The following TMEM232 variants were observed in gnomAD, a reference collection of about 807,000 sequenced individuals.
TMEM232 encodes transmembrane protein 232.
Under a neutral mutation model 78.8 loss-of-function variants are expected in TMEM232, and 80 were observed. The ratio of observed to expected loss-of-function variants is 1.01; its 90% CI spans 0.85 to 1.22. The LOEUF (loss-of-function observed/expected upper bound fraction) is 1.22. Among genes scored for constraint, TMEM232 ranks in the 50% most tolerant of loss-of-function variants. The pLI is 0.00. For synonymous variants in TMEM232, 297 were observed against 254.3 expected, an observed-to-expected ratio of 1.17 and a Z score of -1.60; for missense variants, 881 against 742.2, an observed-to-expected ratio of 1.19 and a Z score of -2.17.
intron 12 of TMEM232, among the ~76,000 whole-genome samples, chr5:110,526,497 C>T (rs77839257): frequency 0.021 from 3,128 of 152,002 alleles, 80 homozygotes; most frequent in African/African-American, 0.058. Flanking sequence ...AAAAATTACA[C>T]TGTATTTAGA....
intron 12 of TMEM232, among the ~76,000 whole-genome samples, chr5:110,484,693 A>C (rs1764269468): frequency 6.6e-6 from 1 of 152,082 alleles, no homozygotes; most frequent in Non-Finnish European, 1.5e-5. Context: ...TAAGACAAAA[A>C]TTGCTACTAG....
chr5:110,472,836 T>G (rs1181832821), intron 12 of TMEM232, among the ~76,000 whole-genome samples: 2 of 151,924 alleles, frequency 1.3e-5, no homozygotes, highest in East Asian at 1.9e-4. Flanking sequence ...GGACAGTCTT[T>G]TCAATAAATG....
intron 12 of TMEM232, among the ~76,000 whole-genome samples, chr5:110,524,407 G>GAAAACA (rs1554098897): frequency 1.1e-5 from 1 of 87,574 alleles, no homozygotes; most frequent in African/African-American, 5.0e-5. Flanking sequence ...AAGAAAGAAA[G>GAAAACA]AAAGAAAGAA....
chr5:110,449,968 T>C (rs1013774077), intron 12 of TMEM232, among the ~76,000 whole-genome samples: 5 of 152,262 alleles, frequency 3.3e-5, no homozygotes, highest in African/African-American at 1.2e-4. Context: ...TAACTCCCAA[T>C]GTTGGGTGAG....
At chr5:110,598,959 T>TA (rs1251485503) in intron 10 of TMEM232, among the ~76,000 whole-genome samples, 1 of 151,372 alleles carries the variant, frequency 6.6e-6, no homozygotes, top group African/African-American at 2.4e-5. Context: ...CATGTATACA[T>TA]ATGTAACTAA....
At chr5:110,596,992 A>G (rs1780250172) in intron 10 of TMEM232, among the ~76,000 whole-genome samples, 1 of 152,146 alleles carries the variant, frequency 6.6e-6, no homozygotes, top group Non-Finnish European at 1.5e-5. Flanking sequence ...CCTATTCAAC[A>G]TAGTGTTGGA....
chr5:110,428,743 C>A (rs1479847353), intron 12 of TMEM232, among the ~76,000 whole-genome samples: 1 of 151,334 alleles, frequency 6.6e-6, no homozygotes, highest in Non-Finnish European at 1.5e-5. Context: ...TTGTCCAGTA[C>A]AACTTTTCTT....
intron 2 of TMEM232, among the ~76,000 whole-genome samples, chr5:110,657,842 G>C (rs1032043004): frequency 1.3e-5 from 2 of 152,038 alleles, no homozygotes; most frequent in Non-Finnish European, 2.9e-5. Context: ...CCAGATTTTA[G>C]GGTGCTAATC....
chr5:110,566,818 C>T (rs979445901), intron 11 of TMEM232, among the ~76,000 whole-genome samples: 1 of 151,912 alleles, frequency 6.6e-6, no homozygotes, highest in African/African-American at 2.4e-5. Context: ...CAGCACCCCA[C>T]TCTACCAATC....
chr5:110,692,634 C>T (rs372792285), intron 1 of TMEM232, among the ~76,000 whole-genome samples: 7 of 152,318 alleles, frequency 4.6e-5, no homozygotes, highest in Admixed American at 1.3e-4. Flanking sequence ...GCTTAACAAA[C>T]GGCACACCAG....
chr5:110,712,707 G>A (rs1241548434), intron 1 of TMEM232, among the ~76,000 whole-genome samples: 1 of 152,066 alleles, frequency 6.6e-6, no homozygotes, highest in Non-Finnish European at 1.5e-5. Context: ...CACTCGAGGA[G>A]ATACAATGTC....
At chr5:110,543,936 C>A (rs781769176) in intron 11 of TMEM232, among the ~76,000 whole-genome samples, 1 of 152,158 alleles carries the variant, frequency 6.6e-6, no homozygotes, top group Admixed American at 6.6e-5. Context: ...TATTAAGAGA[C>A]TTGAATGCCA....
At chr5:110,702,369 G>A (rs1421421311) in intron 1 of TMEM232, among the ~76,000 whole-genome samples, 3 of 151,732 alleles carry the variant, frequency 2.0e-5, no homozygotes, top group African/African-American at 7.3e-5. Flanking sequence ...CTTGTCTGAG[G>A]GCCACTTTAG....
At chr5:110,416,101 A>T (rs1756198873), downstream of TMEM232, among the ~76,000 whole-genome samples, 1 of 152,254 alleles carries the variant, frequency 6.6e-6, no homozygotes, top group Admixed American at 6.5e-5. Flanking sequence ...AAAACTATAC[A>T]AATATATAAA....
intron 4 of TMEM232, among the ~76,000 whole-genome samples, chr5:110,638,955 G>A (rs1561433882): frequency 6.6e-6 from 1 of 152,186 alleles, no homozygotes; most frequent in Admixed American, 6.5e-5. Flanking sequence ...GAAGCTGAAG[G>A]AAGAAGAATA....
At chr5:110,404,337 G>A (rs143590856) in intron 2 of TMEM232, among the ~76,000 whole-genome samples, 2 of 151,896 alleles carry the variant, frequency 1.3e-5, no homozygotes, top group Admixed American at 6.6e-5. Flanking sequence ...TCTGTTTCCT[G>A]TGTAAAGAGA....
intron 5 of TMEM232, among the ~76,000 whole-genome samples, chr5:110,635,706 A>G (rs1307887351): frequency 1.1e-4 from 17 of 151,944 alleles, no homozygotes; most frequent in Non-Finnish European, 8.8e-5. Flanking sequence ...TACCACAATT[A>G]AATATTATTT....
chr5:110,539,899 A>AC (rs1327618623), intron 11 of TMEM232, among the ~76,000 whole-genome samples: 1 of 152,140 alleles, frequency 6.6e-6, no homozygotes, highest in Non-Finnish European at 1.5e-5. Flanking sequence ...TGCAAGCCAT[A>AC]TGTGGTTTGG....
chr5:110,399,497 T>A (rs1360052764), intron 2 of TMEM232, among the ~76,000 whole-genome samples: 1 of 152,094 alleles, frequency 6.6e-6, no homozygotes, highest in Non-Finnish European at 1.5e-5. Flanking sequence ...TATTGATTGA[T>A]TTCTTTTTTT....
Sources: allele counts gnomAD v4.1 joint callset (sites outside exome capture counted in the v4.1 genomes callset), GRCh38; gene constraint gnomAD v4.1.1; transcripts MANE v1.5; gene names NCBI Gene and HGNC (gene_info 2026-07-23, HGNC 2026-07-21).